The following SH2D4B variants were observed in gnomAD, a reference collection of about 807,000 sequenced individuals.
The protein encoded by SH2D4B is SH2 domain-containing protein 4B.
SH2D4B carries 45 observed loss-of-function variants against 61.5 expected under a neutral mutation model. The observed-to-expected ratio is 0.73, with a 90% CI of 0.58 to 0.94. The LOEUF (loss-of-function observed/expected upper bound fraction) is 0.94. Among genes scored for constraint, SH2D4B ranks in the 40% least tolerant of loss-of-function variants. SH2D4B has a pLI of 0.00. For synonymous variants in SH2D4B, 224 were observed against 220.4 expected (o/e 1.02, Z -0.14); for missense variants, 572 against 574.2 (o/e 1.00, Z 0.04).
chr10:80,631,891 G>C (rs1365300184), intron 6 of SH2D4B, among the ~76,000 whole-genome samples: 2 of 152,064 alleles, frequency 1.3e-5, no homozygotes, highest in Non-Finnish European at 2.9e-5. Context: ...GTACAGCTTG[G>C]TAACTACAAT....
chr10:80,548,152 G>A (rs1344137255), intron 1 of SH2D4B, among the ~76,000 whole-genome samples: 1 of 152,130 alleles, frequency 6.6e-6, no homozygotes, highest in Non-Finnish European at 1.5e-5. Context: ...TCTAAGGTGG[G>A]AAATAGTGTC....
chr10:80,544,783 G>A (rs1281182943), intron 1 of SH2D4B, among the ~76,000 whole-genome samples: 2 of 152,176 alleles, frequency 1.3e-5, no homozygotes, highest in African/African-American at 2.4e-5. Context: ...TTGGACACAC[G>A]AGTTAGCTCA....
chr10:80,619,174 G>A (rs940148161), intron 6 of SH2D4B, among the ~76,000 whole-genome samples: 49 of 152,286 alleles, frequency 3.2e-4, no homozygotes, highest in Middle Eastern at 6.8e-3. Context: ...ACTGTTGGCC[G>A]CACTGAGGTG....
At position 80,539,227 on chromosome 10, in the gene SH2D4B, G is replaced by C. The variant is rs2132097864; in HGVS notation, c.184+712G>C. Among the ~76,000 whole-genome samples, 1 of 152,332 alleles carries C rather than the reference G, an allele frequency of 6.6e-6. No homozygotes were observed. The highest frequency in any genetic ancestry group is 2.4e-5 in the African/African-American group (1 of 41,578). On this transcript the variant is annotated intron_variant, in intron 1 of 7. Transcript: ENST00000646907. This position sits in a 1 kb window ranked among gnomAD's most constrained non-coding sequence, Gnocchi z 4.9. The stretch of plus-strand genomic sequence containing the variant: ...TGAAGGAAATCATCCAGGACCCCTG[G>C]GCCAGAAACTGGCAGGCTGCTGAGG...
chr10:80,596,810 C>T (rs187115506), intron 4 of SH2D4B, among the ~76,000 whole-genome samples: 187 of 152,296 alleles, frequency 1.2e-3, no homozygotes, highest in Non-Finnish European at 1.9e-3. Context: ...TGATCTTACT[C>T]GCAGAACGTT....
At chr10:80,543,535 T>C (rs1369547360) in intron 1 of SH2D4B, among the ~76,000 whole-genome samples, 1 of 152,174 alleles carries the variant, frequency 6.6e-6, no homozygotes, top group Non-Finnish European at 1.5e-5. Context: ...GCTTCCCCGA[T>C]GAGCGCCACC....
intron 5 of SH2D4B, among the ~76,000 whole-genome samples, chr10:80,605,555 C>T (rs1418560600): frequency 6.6e-6 from 1 of 152,172 alleles, no homozygotes; most frequent in Non-Finnish European, 1.5e-5. Context: ...CACTCTGTCT[C>T]CCAGGCTGAA....
chr10:80,541,403 G>T (rs1841576848), intron 1 of SH2D4B, among the ~76,000 whole-genome samples: 1 of 152,112 alleles, frequency 6.6e-6, no homozygotes, highest in South Asian at 2.1e-4. Context: ...TCATTGACAG[G>T]CATCCTCTTT....
At chr10:80,584,440 A>G (rs561575072) in intron 3 of SH2D4B, among the ~76,000 whole-genome samples, 4 of 152,358 alleles carry the variant, frequency 2.6e-5, no homozygotes, top group Admixed American at 6.5e-5. Context: ...GGGAAAATTC[A>G]ATATTCAGCT....
Position 80,572,965 on chromosome 10 carries a change from TATATATATATATATATATATA to T in SH2D4B, c.495+1388_495+1408del, listed in dbSNP as rs1307761524. Among the ~76,000 whole-genome samples, 79 of 8,110 alleles carry T rather than the reference TATATATATATATATATATATA, an allele frequency of 9.7e-3. 2 individuals are homozygous for T. Among genetic ancestry groups the T allele is most frequent in the Middle Eastern group, 0.017 (1 of 58 alleles). The allele number at this position is 8,110 out of a possible 152,430, so 5.3% of individuals were successfully genotyped here. ...TTGCAAATATATATATATATATATA[TATATATATATATATATATATA>T]TTTTTTTTTTTTTTTTTTTTTTTTT... is the stretch of plus-strand genomic sequence containing the variant. On this transcript the variant is annotated intron_variant, in intron 3 of 7. Transcript: ENST00000646907.
At chr10:80,563,156 C>T (rs1164704234) in intron 1 of SH2D4B, among the ~76,000 whole-genome samples, 1 of 152,088 alleles carries the variant, frequency 6.6e-6, no homozygotes, top group Non-Finnish European at 1.5e-5. Flanking sequence ...CCGCTTCGGC[C>T]TCCCAAAGTG....
At position 80,608,697 on chromosome 10, in the gene SH2D4B, G is replaced by A. The variant is rs138226139; in HGVS notation, c.861-727G>A. On this transcript the variant is annotated intron_variant, in intron 5 of 7. Transcript: ENST00000646907. ...CGTGCTCCTCCTCCTCCCGCCCTCC[G>A]TGCCTTCAGTCCCTCACCCATTCCA... Among the ~76,000 whole-genome samples, 678 of 151,902 alleles carry A rather than the reference G, an allele frequency of 4.5e-3. 6 individuals are homozygous for A. The highest frequency in any genetic ancestry group is 0.016 in the African/African-American group (643 of 41,450).
At chr10:80,596,393 C>T (rs1389708652) in intron 4 of SH2D4B, among the ~76,000 whole-genome samples, 2 of 152,242 alleles carry the variant, frequency 1.3e-5, no homozygotes, top group East Asian at 3.8e-4. Context: ...CGAGAACAGC[C>T]TCATAGCAGA....
At chr10:80,575,648 G>T (rs1177420148) in intron 3 of SH2D4B, among the ~76,000 whole-genome samples, 1 of 152,090 alleles carries the variant, frequency 6.6e-6, no homozygotes, top group Non-Finnish European at 1.5e-5. Context: ...AATTAGCCAC[G>T]CCTGTAATCC....
At chr10:80,611,625 A>G (rs1842601607) in intron 6 of SH2D4B, among the ~76,000 whole-genome samples, 1 of 152,192 alleles carries the variant, frequency 6.6e-6, no homozygotes, top group African/African-American at 2.4e-5. Flanking sequence ...TGGTCATGGA[A>G]GTGCAGCACT....
In SH2D4B at chr10:80,555,870, G is replaced by A. The variant is rs147917118; in HGVS notation, c.185-14284G>A. Among the ~76,000 whole-genome samples the A allele has an allele frequency of 1.7e-3, 256 of 152,264 alleles. 2 individuals are homozygous for A. The highest frequency in any genetic ancestry group is 5.7e-3 in the African/African-American group (237 of 41,544). On this transcript the variant is annotated intron_variant, in intron 1 of 7. Coordinates refer to ENST00000646907, the MANE Select transcript of SH2D4B (RefSeq NM_001388272.1). ...GGTGGGTTTAAGAACAGGCGTGTTC[G>A]TGCCATATTAGTGCAGAGGAGGAAG...
rs1420347269 is a variant in SH2D4B, at chr10:80,552,318, A to G, written c.184+13803A>G. 2.0e-5 allele frequency among the ~76,000 whole-genome samples: 3 copies of G among 152,114 alleles called. No homozygotes were observed. The East Asian group carries it at 5.8e-4, about 29-fold the overall frequency. On this transcript the variant is annotated intron_variant, in intron 1 of 7. Coordinates refer to ENST00000646907, the MANE Select transcript of SH2D4B (RefSeq NM_001388272.1). Reference sequence around the variant, plus strand: ...CCCAGCTGCTGCCAAAAGCCCAGGGACTGTTTGAACAGGACTGACTTTTGC... The same window carrying G: ...CCCAGCTGCTGCCAAAAGCCCAGGGGCTGTTTGAACAGGACTGACTTTTGC...
intron 3 of SH2D4B, among the ~76,000 whole-genome samples, chr10:80,585,992 C>G (rs1842242190): frequency 1.3e-5 from 2 of 152,166 alleles, no homozygotes; most frequent in Admixed American, 1.3e-4. Context: ...CCCCGCCAGC[C>G]CGGGCAATGA....
At position 80,543,862 on chromosome 10, in the gene SH2D4B, C is replaced by T. The variant is rs183224178; in HGVS notation, c.184+5347C>T. Reference sequence around the variant, plus strand: ...CTACTCTGGTGGGGACTTGGAGAACCTTTGTGTAGACACTCTGTATCTAGC... The same window carrying T: ...CTACTCTGGTGGGGACTTGGAGAACTTTTGTGTAGACACTCTGTATCTAGC... On this transcript the variant is annotated intron_variant, in intron 1 of 7. Coordinates refer to ENST00000646907, the MANE Select transcript of SH2D4B (RefSeq NM_001388272.1). Among the ~76,000 whole-genome samples the T allele has an allele frequency of 1.0e-3, 155 of 152,166 alleles. 5 individuals carry two copies. The East Asian group carries it at 0.027, about 26-fold the overall frequency.
Sources: gnomAD v4.1 joint callset for allele counts (sites outside exome capture counted in the v4.1 genomes callset) on GRCh38, gnomAD v4.1.1 for gene constraint, Gnocchi (gnomAD v3.1) non-coding constraint, MANE v1.5 for transcripts, NCBI Gene and HGNC (gene_info 2026-07-23, HGNC 2026-07-21) for gene names.